KCTD16: variants seen among roughly 807,000 people sequenced by gnomAD.
The protein encoded by KCTD16 is BTB/POZ domain-containing protein KCTD16.
Under a neutral mutation model 33.2 loss-of-function variants are expected in KCTD16, and 13 were observed. That is an observed-to-expected ratio of 0.39 (90% CI 0.25 to 0.62). KCTD16 has a LOEUF of 0.62. Among genes scored for constraint, KCTD16 ranks in the 20% least tolerant of loss-of-function variants. KCTD16 has a pLI of 0.50. For synonymous variants in KCTD16, 197 were observed against 195.3 expected (o/e 1.01, Z -0.07); for missense variants, 441 against 525.1 (o/e 0.84, Z 1.57).
At chr5:144,336,301 G>A (rs1373498683) in intron 3 of KCTD16, among the ~76,000 whole-genome samples, 2 of 152,150 alleles carry the variant, frequency 1.3e-5, no homozygotes, top group Non-Finnish European at 2.9e-5. Flanking sequence ...AATGAACAAA[G>A]CATAAAGGTG....
intron 3 of KCTD16, among the ~76,000 whole-genome samples, chr5:144,317,164 T>A (rs1751941218): frequency 6.6e-6 from 1 of 152,036 alleles, no homozygotes; most frequent in Admixed American, 6.6e-5. Context: ...TATACCTGAT[T>A]AATTTCAGTT....
At chr5:144,342,580 T>C (rs1752675524) in intron 3 of KCTD16, among the ~76,000 whole-genome samples, 1 of 152,190 alleles carries the variant, frequency 6.6e-6, no homozygotes, top group South Asian at 2.1e-4. Flanking sequence ...TTCCTTCTCC[T>C]GCCTGATTGC....
chr5:144,465,922 T>G (rs1754320703), intron 3 of KCTD16, among the ~76,000 whole-genome samples: 2 of 151,470 alleles, frequency 1.3e-5, no homozygotes, highest in African/African-American at 4.8e-5. Flanking sequence ...CACTTCAACC[T>G]CCGCCTCCCG....
In KCTD16 at chr5:144,475,122, A is replaced by C. The variant is rs1024805639; in HGVS notation, c.*1008A>C. The C allele has an allele frequency of 6.6e-6, 1 of 152,222 alleles. No homozygotes were observed. The highest frequency in any genetic ancestry group is 1.5e-5 in the Non-Finnish European group (1 of 68,048). 9.4% of individuals were successfully genotyped at this position (152,222 alleles called of 1,614,324 possible). On this transcript the variant is annotated 3_prime_UTR_variant, in exon 4 of 4. Transcript: ENST00000512467. Reference sequence around the variant, plus strand: ...GGTGTGGCCTTTCCACATAATCCACATTAAGTTCTGTGTTCCTGTGTTGTT... The same window carrying C: ...GGTGTGGCCTTTCCACATAATCCACCTTAAGTTCTGTGTTCCTGTGTTGTT...
rs1309860646 is a variant in KCTD16 at position 144,206,426 on chromosome 5, C to G, written c.-289C>G. The G allele has an allele frequency of 3.2e-6, 1 of 315,888 alleles. No homozygotes were observed. The highest frequency in any genetic ancestry group is 2.1e-5 in the African/African-American group (1 of 46,878). The allele number at this position is 315,888 out of a possible 1,614,324, so 19.6% of individuals were successfully genotyped here. A position where few individuals can be genotyped will look rare whatever the true frequency, so the allele number is the denominator to read the frequency against. On this transcript the variant is annotated 5_prime_UTR_variant, in exon 3 of 4. Transcript: ENST00000512467. ...GTAACTGGGGAATTGGCCTGCCTTG[C>G]ATGTGAGCTTGATGGAAGATTGGAT...
chr5:144,356,860 T>G (rs1352472235), intron 3 of KCTD16, among the ~76,000 whole-genome samples: 1 of 152,232 alleles, frequency 6.6e-6, no homozygotes, highest in East Asian at 1.9e-4. Flanking sequence ...CTTCCCTTCT[T>G]TTCCCCTCTC....
intron 3 of KCTD16, among the ~76,000 whole-genome samples, chr5:144,402,917 G>A (rs1580934877): frequency 6.6e-6 from 1 of 152,196 alleles, no homozygotes; most frequent in East Asian, 1.9e-4. Context: ...AGCCTTTTAA[G>A]GGGTAAAATT....
intron 3 of KCTD16, among the ~76,000 whole-genome samples, chr5:144,270,383 G>A (rs1407320837): frequency 3.3e-5 from 5 of 151,776 alleles, no homozygotes; most frequent in Admixed American, 6.6e-5. Flanking sequence ...ATCAATGACA[G>A]AAGTAAAACT....
intron 3 of KCTD16, among the ~76,000 whole-genome samples, chr5:144,460,189 C>T (rs1754163972): frequency 6.6e-6 from 1 of 152,112 alleles, no homozygotes; most frequent in African/African-American, 2.4e-5. Context: ...AGTCCTCTTT[C>T]TTTTCCTTGC....
At chr5:144,333,748 G>T (rs1456925198) in intron 3 of KCTD16, among the ~76,000 whole-genome samples, 1 of 152,144 alleles carries the variant, frequency 6.6e-6, no homozygotes, top group Non-Finnish European at 1.5e-5. Flanking sequence ...CAAGCCTCAA[G>T]ATGTAAGTGA....
intron 3 of KCTD16, among the ~76,000 whole-genome samples, chr5:144,335,824 A>G (rs561036037): frequency 1.2e-4 from 18 of 152,312 alleles, no homozygotes; most frequent in Admixed American, 6.5e-4. Context: ...AGGTGGGAAA[A>G]GAGCATCAGG....
chr5:144,299,437 A>G (rs1015377780), intron 3 of KCTD16, among the ~76,000 whole-genome samples: 4 of 151,518 alleles, frequency 2.6e-5, no homozygotes, highest in African/African-American at 9.7e-5. Context: ...CATACTCTCT[A>G]TTTTCTATCT....
intron 3 of KCTD16, among the ~76,000 whole-genome samples, chr5:144,325,797 C>T (rs936223643): frequency 3.9e-5 from 6 of 152,222 alleles, no homozygotes; most frequent in African/African-American, 1.2e-4. Flanking sequence ...TTGCCTGTTT[C>T]CCCTCACCCC....
At chr5:144,322,172 G>C (rs143510312) in intron 3 of KCTD16, among the ~76,000 whole-genome samples, 8 of 152,120 alleles carry the variant, frequency 5.3e-5, no homozygotes, top group Non-Finnish European at 1.2e-4. Flanking sequence ...TTCCTCACCT[G>C]CTCCTTATTT....
At chr5:144,186,542 C>T (rs1752731104) in intron 2 of KCTD16, among the ~76,000 whole-genome samples, 1 of 152,008 alleles carries the variant, frequency 6.6e-6, no homozygotes, top group Admixed American at 6.5e-5. Context: ...TAAAAAATAG[C>T]TGAAAAGTCT....
At position 144,477,828 on chromosome 5, in the gene KCTD16, A is replaced by G. The variant is rs1754627207; in HGVS notation, c.*3714A>G. The stretch of plus-strand genomic sequence containing the variant: ...TTGAGTGCTGGTATTTTCTGCCACT[A>G]TATACCATGCCATGGAATTTGACTA... On this transcript the variant is annotated 3_prime_UTR_variant, in exon 4 of 4. Coordinates refer to ENST00000512467, the MANE Select transcript of KCTD16 (RefSeq NM_020768.4). 1 of 151,946 alleles carries G rather than the reference A, an allele frequency of 6.6e-6. No homozygotes were observed. The highest frequency in any genetic ancestry group is 6.6e-5 in the Admixed American group (1 of 15,236). The allele number at this position is 151,946 out of a possible 1,614,324, so 9.4% of individuals were successfully genotyped here. A position where few individuals can be genotyped will look rare whatever the true frequency, so the allele number is the denominator to read the frequency against.
intron 3 of KCTD16, among the ~76,000 whole-genome samples, chr5:144,413,325 C>G (rs1286053221): frequency 6.6e-6 from 1 of 152,212 alleles, no homozygotes; most frequent in African/African-American, 2.4e-5. Flanking sequence ...TGATCTCAGA[C>G]TTTAGCCTCT....
chr5:144,376,889 A>C (rs1472398568), intron 3 of KCTD16, among the ~76,000 whole-genome samples: 1 of 152,198 alleles, frequency 6.6e-6, no homozygotes, highest in East Asian at 1.9e-4. Flanking sequence ...CTCTGGCATG[A>C]CTGCAGTGCC....
intron 3 of KCTD16, among the ~76,000 whole-genome samples, chr5:144,341,277 T>C (rs1445670884): frequency 6.6e-6 from 1 of 152,180 alleles, no homozygotes; most frequent in Non-Finnish European, 1.5e-5. Flanking sequence ...GCACCCTTTT[T>C]TCCTTCTGGA....
Sources: allele counts gnomAD v4.1 joint callset (sites outside exome capture counted in the v4.1 genomes callset), GRCh38; gene constraint gnomAD v4.1.1; transcripts MANE v1.5; gene names NCBI Gene and HGNC (gene_info 2026-07-23, HGNC 2026-07-21).